RNF40: variants seen among roughly 807,000 people sequenced by gnomAD.
RNF40 encodes ring finger protein 40, also known as E3 ubiquitin-protein ligase BRE1B.
Under a neutral mutation model 123.3 loss-of-function variants are expected in RNF40, and 39 were observed. The observed-to-expected ratio is 0.32, with a 90% confidence interval of 0.24 to 0.41. The LOEUF is 0.41. Ranked by LOEUF, RNF40 falls within the 10% of genes least tolerant of loss-of-function variation. RNF40 has a pLI of 1.00. For synonymous variants in RNF40, 538 were observed against 526.0 expected (o/e 1.02, Z -0.31); for missense variants, 1,003 against 1,319.9 (o/e 0.76, Z 3.72).
intron 17 of RNF40, among the ~76,000 whole-genome samples, chr16:30,771,443 C>G (rs759087706): frequency 2.8e-4 from 42 of 151,906 alleles, no homozygotes; most frequent in Non-Finnish European, 5.0e-4. Context: ...CGGTGAAACC[C>G]CATCTCTACT....
intron 2 of RNF40, 121 bp downstream of exon 2, chr16:30,762,798 C>T (rs898744143): frequency 1.1e-5 from 14 of 1,307,190 alleles, no homozygotes; most frequent in South Asian, 1.3e-5. Context: ...GTTACAGGAC[C>T]TTGAAAGAAA....
chr16:30,772,429 G>GTC (rs2054164606), intron 19 of RNF40: 1 of 612,310 alleles, frequency 1.6e-6, no homozygotes, highest in South Asian at 1.8e-5. Context: ...TCTTGAAACT[G>GTC]ACAGTCAGGG....
rs1005266159 is a variant in RNF40 at position 30,766,687 on chromosome 16, A to G, written c.1294-54A>G. The G allele has an allele frequency of 3.3e-5, 53 of 1,607,662 alleles. No individual in the cohort carries two copies. In the African/African-American group the frequency reaches 6.4e-4, roughly 19 times the overall value. On this transcript the variant is annotated intron_variant, in intron 10 of 19. Coordinates refer to ENST00000324685, the MANE Select transcript of RNF40 (RefSeq NM_014771.4). The surrounding 1 kb of genome is among the most constrained non-coding windows in gnomAD (Gnocchi z 5.4). ...GGAATAGATTCTTCCTAAGATACTG[A>G]GTCCTGAGGTGGGACCGAGGGGCTG... is the stretch of plus-strand genomic sequence containing the variant.
intron 6 of RNF40, 55 bp from the exon 7 acceptor site, chr16:30,765,126 G>A: frequency 6.2e-7 from 1 of 1,611,658 alleles, no homozygotes; most frequent in South Asian, 1.1e-5. Context: ...TGGGCACTCA[G>A]GGACCTCAGG....
At chr16:30,772,526 T>C (rs549380157) in intron 19 of RNF40, among the ~76,000 whole-genome samples, 1 of 152,300 alleles carries the variant, frequency 6.6e-6, no homozygotes, top group Admixed American at 6.5e-5. Context: ...GGGGAGGCCC[T>C]TCCCCTGGCC....
At chr16:30,765,591 C>A in intron 8 of RNF40, 92 bp downstream of exon 8, 1 of 1,161,842 alleles carries the variant, frequency 8.6e-7, no homozygotes. Context: ...ACATCCATCT[C>A]TGAGGCCCTT....
At chr16:30,767,793 T>C (rs912312252) in intron 11 of RNF40, 101 bp from the exon 12 acceptor site, 9 of 1,508,878 alleles carry the variant, frequency 6.0e-6, no homozygotes, top group Admixed American at 1.7e-5. Context: ...GTTCCCCTCC[T>C]GCACAGTGGG....
chr16:30,763,491 C>T lies in RNF40; in HGVS notation c.374C>T (p.Pro125Leu), dbSNP rs1368878824. 2 of 1,613,938 alleles carry T rather than the reference C, an allele frequency of 1.2e-6. No homozygotes were observed. The highest frequency in any genetic ancestry group is 1.7e-6 in the Non-Finnish European group (2 of 1,179,930). Residue 125 changes from proline to leucine, a missense_variant, in exon 4 of 20, where the codon CCT becomes CTT. Coordinates refer to ENST00000324685, the MANE Select transcript of RNF40 (RefSeq NM_014771.4). ...GAGCTGTCTTCAGCGCCTGAGGCAC[C>T]TGGGACCCAGGAGGGGCCAACATGT... ...QGELSSAPEA[P>L]GTQEGPTCDG... is the part of the protein sequence containing the mutation.
intron 17 of RNF40, 104 bp from the exon 18 acceptor site, chr16:30,771,729 A>G: frequency 7.7e-7 from 1 of 1,290,588 alleles, no homozygotes; most frequent in South Asian, 1.5e-5. Flanking sequence ...GCTCCAGGGC[A>G]GGTGTCACTG....
chr16:30,769,519 G>T lies in RNF40; in HGVS notation c.2505G>T (p.Glu835Asp). The change falls in exon 17 of 20, where the codon GAG becomes GAT. Residue 835 changes from glutamate (E) to aspartate (D), a missense_variant. This residue lies in a region of RNF40 where 121 missense variants were observed against 125.3 expected (regional missense o/e 0.97). Coordinates refer to ENST00000324685, the MANE Select transcript of RNF40 (RefSeq NM_014771.4). ...LLTVQKLEEK[E>D]RALQGSLGGV... ...CTGTGCAGAAGCTAGAGGAGAAGGA[G>T]CGAGCCTTGCAGGGCAGCCTCGGGG... 6.2e-7 allele frequency: 1 copy of T among 1,613,398 alleles called. No individual in the cohort carries two copies. Among genetic ancestry groups the T allele is most frequent in the Non-Finnish European group, 8.5e-7 (1 of 1,179,468 alleles).
In RNF40 at chr16:30,769,458, C is replaced by T; in HGVS notation, c.2461-17C>T. ...AGAGGTGGGGGTCATGGCCCTGAGT[C>T]CTCCTCTGGTCCTTAGGTGGATGCC... On this transcript the variant is annotated splice_polypyrimidine_tract_variant and intron_variant, in intron 16 of 19. Coordinates refer to ENST00000324685, the MANE Select transcript of RNF40 (RefSeq NM_014771.4). 1 of 1,613,932 alleles carries T rather than the reference C, an allele frequency of 6.2e-7. No individual in the cohort carries two copies. The highest frequency in any genetic ancestry group is 8.5e-7 in the Non-Finnish European group (1 of 1,179,912).
At chr16:30,764,019 T>C (rs566398006) in intron 4 of RNF40, among the ~76,000 whole-genome samples, 160 bp from the exon 5 acceptor site, 1 of 152,352 alleles carries the variant, frequency 6.6e-6, no homozygotes, top group South Asian at 2.1e-4. Context: ...TTTACCTCCC[T>C]GAATTTCATT....
In RNF40 at chr16:30,774,232, T is replaced by C. The variant is rs2054197756; in HGVS notation, c.*118T>C. The C allele has an allele frequency of 9.0e-7, 1 of 1,109,438 alleles. No individual in the cohort carries two copies. Among genetic ancestry groups the C allele is most frequent in the Admixed American group, 2.8e-5 (1 of 35,380 alleles). 68.7% of individuals were successfully genotyped at this position (1,109,438 alleles called of 1,614,324 possible). A position where few individuals can be genotyped will look rare whatever the true frequency, so the allele number is the denominator to read the frequency against. ...TTCCGGACCCCATGGGCCCAGCCCCTGCCCATCTAGTTGGTTTGGGGACCC... is the reference window on the plus strand; with the variant it reads ...TTCCGGACCCCATGGGCCCAGCCCCCGCCCATCTAGTTGGTTTGGGGACCC... On this transcript the variant is annotated 3_prime_UTR_variant, in exon 20 of 20. Transcript: ENST00000324685.
In RNF40 at chr16:30,765,195, G is replaced by A; in HGVS notation, c.786G>A (p.Gln262=). Residue 262 remains glutamine, a synonymous_variant, in exon 7 of 20, where the codon CAG becomes CAA. Coordinates refer to ENST00000324685, the MANE Select transcript of RNF40 (RefSeq NM_014771.4). ...ATTGTTCCCAGTACTCCGAGCTCCAGGATAAAGTGACATCGGCAGAGACCA... is the reference window on the plus strand; with the variant it reads ...ATTGTTCCCAGTACTCCGAGCTCCAAGATAAAGTGACATCGGCAGAGACCA... ...HRISLEYSEL[Q]DKVTSAETKV... is the part of the protein sequence containing the mutation. 6.2e-7 allele frequency: 1 copy of A among 1,614,206 alleles called. No individual in the cohort carries two copies. Among genetic ancestry groups the A allele is most frequent in the Non-Finnish European group, 8.5e-7 (1 of 1,180,024 alleles).
intron 15 of RNF40, 54 bp downstream of exon 15, chr16:30,769,041 C>CTG: frequency 6.2e-7 from 1 of 1,609,786 alleles, no homozygotes; most frequent in Non-Finnish European, 8.5e-7. Context: ...CCTTCATACC[C>CTG]TGTTTGGTGC....
rs1596734769 is a variant in RNF40, at chr16:30,762,469, C to A, written c.-71-6C>A. On this transcript the variant is annotated splice_polypyrimidine_tract_variant and splice_region_variant and intron_variant, in intron 1 of 19. Transcript: ENST00000324685. ...TTCCCACATCTCTGCTCTGTGTCTT[C>A]TGCAGGTGACGGAAGTACCGCCTCC... The A allele has an allele frequency of 7.0e-6, 10 of 1,431,060 alleles. No individual in the cohort carries two copies. The East Asian group carries it at 2.4e-4, about 35-fold the overall frequency. The allele number at this position is 1,431,060 out of a possible 1,614,324, so 88.6% of individuals were successfully genotyped here. A position where few individuals can be genotyped will look rare whatever the true frequency, so the allele number is the denominator to read the frequency against.
At chr16:30,772,238 T>A in intron 19 of RNF40, 48 bp downstream of exon 19, 1 of 1,438,952 alleles carries the variant, frequency 6.9e-7, no homozygotes, top group Non-Finnish European at 9.6e-7. Flanking sequence ...GAATTGTAGA[T>A]GCAGGATTGC....
At position 30,765,008 on chromosome 16, in the gene RNF40, G is replaced by A. The variant is rs751356959; in HGVS notation, c.720G>A (p.Leu240=). 27 of 1,613,840 alleles carry A rather than the reference G, an allele frequency of 1.7e-5. No homozygotes were observed. The African/African-American group carries it at 3.5e-4, about 21-fold the overall frequency. ...AGCTGGGCCGTGAGAACCGGCGACT[G>A]CAGGACTTGGCCACTCAGCTGCAGG... The part of the protein sequence containing the change: ...TRELGRENRR[L]QDLATQLQEK... Residue 240 remains leucine (L), a synonymous_variant, in exon 6 of 20, where the codon CTG becomes CTA. Transcript: ENST00000324685.
intron 17 of RNF40, among the ~76,000 whole-genome samples, chr16:30,771,064 C>T (rs2054139883): frequency 6.6e-6 from 1 of 152,174 alleles, no homozygotes; most frequent in African/African-American, 2.4e-5. Context: ...GCGCTGATTG[C>T]TGTGGAGACA....
Sources: gnomAD v4.1 joint callset for allele counts (sites outside exome capture counted in the v4.1 genomes callset) on GRCh38, gnomAD v4.1.1 for gene constraint, gnomAD v4.1.1 regional missense constraint, Gnocchi (gnomAD v3.1) non-coding constraint, MANE v1.5 for transcripts, NCBI Gene and HGNC (gene_info 2026-07-23, HGNC 2026-07-21) for gene names.